The following PTPRQ variants were observed in gnomAD, a reference collection of about 807,000 sequenced individuals.
PTPRQ encodes protein tyrosine phosphatase receptor type Q, also known as phosphatidylinositol phosphatase PTPRQ.
PTPRQ carries 199 observed loss-of-function variants against 246.0 expected under a neutral mutation model. The observed-to-expected ratio is 0.81, with a 90% CI of 0.72 to 0.91. The LOEUF (loss-of-function observed/expected upper bound fraction) is 0.91, where lower values mean the gene tolerates loss of function less well. Among genes scored for constraint, PTPRQ ranks in the 40% least tolerant of loss-of-function variants. PTPRQ has a pLI of 0.00. For missense variants in PTPRQ, 2,624 were observed against 2,528.4 expected, an observed-to-expected ratio of 1.04 and a Z score of -0.81; for synonymous variants, 869 against 853.2, an observed-to-expected ratio of 1.02 and a Z score of -0.32.
At position 80,507,357 on chromosome 12, in the gene PTPRQ, A is replaced by T. The variant is rs74237235; in HGVS notation, c.2557+687A>T. On this transcript the variant is annotated intron_variant, in intron 16 of 44. Coordinates refer to ENST00000644991, the MANE Select transcript of PTPRQ (RefSeq NM_001145026.2). ...CATTGCATATTTAAAGAAAATTATT[A>T]TTTTTTTCTGTAAAAGGAATTCCTA... Among the ~76,000 whole-genome samples the T allele has an allele frequency of 5.9e-5, 9 of 151,986 alleles. No homozygotes were observed. The East Asian group carries it at 1.7e-3, about 29-fold the overall frequency.
chr12:80,625,400 A>C (rs1272960704), intron 33 of PTPRQ, among the ~76,000 whole-genome samples: 1 of 152,152 alleles, frequency 6.6e-6, no homozygotes, highest in Non-Finnish European at 1.5e-5. Flanking sequence ...GCATTCATTC[A>C]CTGGTATTTT....
chr12:80,524,381 T>C (rs767784669), intron 17 of PTPRQ, among the ~76,000 whole-genome samples: 18 of 152,122 alleles, frequency 1.2e-4, no homozygotes, highest in Non-Finnish European at 2.1e-4. Flanking sequence ...ACATGCCTTT[T>C]GCCTGCTGCC....
At chr12:80,516,506 A>T (rs924067533) in intron 17 of PTPRQ, among the ~76,000 whole-genome samples, 3 of 152,220 alleles carry the variant, frequency 2.0e-5, no homozygotes, top group Non-Finnish European at 4.4e-5. Flanking sequence ...CTTATTGCAG[A>T]TAAGATATGC....
chr12:80,564,268 C>T (rs539347451), intron 25 of PTPRQ, among the ~76,000 whole-genome samples: 1 of 152,130 alleles, frequency 6.6e-6, no homozygotes, highest in Non-Finnish European at 1.5e-5. Flanking sequence ...TTCCAGATTG[C>T]TGGCTTCTAG....
At position 80,648,344 on chromosome 12, in the gene PTPRQ, G is replaced by A. The variant is rs555910359; in HGVS notation, c.5916-553G>A. 3.9e-5 allele frequency among the ~76,000 whole-genome samples: 6 copies of A among 151,962 alleles called. No individual in the cohort carries two copies. The South Asian group carries it at 1.0e-3, about 26-fold the overall frequency. ...CTATTTAGCTGTTAAAATTATTTTT[G>A]TTTACAGAGTATAAGTAATTTGGCC... On this transcript the variant is annotated intron_variant, in intron 35 of 44. Coordinates refer to ENST00000644991, the MANE Select transcript of PTPRQ (RefSeq NM_001145026.2).
chr12:80,636,667 A>T (rs1899664503), intron 35 of PTPRQ, among the ~76,000 whole-genome samples: 1 of 152,196 alleles, frequency 6.6e-6, no homozygotes, highest in South Asian at 2.1e-4. Context: ...ACTAAAATGT[A>T]AACTTCTAAG....
In PTPRQ at chr12:80,619,269, A is replaced by G. The variant is rs9669253; in HGVS notation, c.5231-115A>G. 39,408 of 1,208,808 alleles carry G rather than the reference A, an allele frequency of 0.033. 2,176 individuals are homozygous for G. Among genetic ancestry groups the G allele is most frequent in the African/African-American group, 0.23 (15,246 of 65,274 alleles). 74.9% of individuals were successfully genotyped at this position (1,208,808 alleles called of 1,614,324 possible). The stretch of plus-strand genomic sequence containing the variant: ...CAAGCACAATTCTCTATAATTTGTT[A>G]TTTATGTTTGTCATCACTTTATCTG... On this transcript the variant is annotated intron_variant, in intron 30 of 44. Coordinates refer to ENST00000644991, the MANE Select transcript of PTPRQ (RefSeq NM_001145026.2).
intron 41 of PTPRQ, among the ~76,000 whole-genome samples, chr12:80,669,790 A>G (rs1414018865): frequency 6.6e-6 from 1 of 152,020 alleles, no homozygotes; most frequent in Non-Finnish European, 1.5e-5. Flanking sequence ...ATCTGACTTG[A>G]GACAGCAATT....
chr12:80,675,869 C>T (rs1280977861), intron 43 of PTPRQ, among the ~76,000 whole-genome samples: 4 of 152,132 alleles, frequency 2.6e-5, no homozygotes, highest in Admixed American at 2.0e-4. Flanking sequence ...GGCTCTGTGA[C>T]TTTGTTTAGT....
chr12:80,656,709 A>G (rs1261312866), intron 38 of PTPRQ, among the ~76,000 whole-genome samples: 2 of 152,092 alleles, frequency 1.3e-5, no homozygotes, highest in African/African-American at 4.8e-5. Context: ...GAATAGGCAG[A>G]TGAATTAATG....
intron 3 of PTPRQ, among the ~76,000 whole-genome samples, chr12:80,445,955 T>A (rs1482217854): frequency 6.6e-6 from 1 of 151,856 alleles, no homozygotes; most frequent in Non-Finnish European, 1.5e-5. Context: ...TCTATGAATA[T>A]TTTTGCATAT....
At chr12:80,649,713 G>A (rs551634546) in intron 37 of PTPRQ, 44 bp downstream of exon 37, 12 of 1,511,622 alleles carry the variant, frequency 7.9e-6, no homozygotes, top group Non-Finnish European at 9.8e-6. Flanking sequence ...ACCTCCAGTC[G>A]TTTCATGTGT....
chr12:80,526,808 C>G (rs1043214573), intron 17 of PTPRQ, among the ~76,000 whole-genome samples: 2 of 151,780 alleles, frequency 1.3e-5, no homozygotes, highest in Non-Finnish European at 2.9e-5. Flanking sequence ...AATTAATGAG[C>G]TTTTGTTTTT....
intron 6 of PTPRQ, among the ~76,000 whole-genome samples, chr12:80,466,851 T>C (rs1248167571): frequency 6.6e-6 from 1 of 151,986 alleles, no homozygotes; most frequent in Non-Finnish European, 1.5e-5. Context: ...TATACAAAAA[T>C]CAATTCAAGA....
At chr12:80,476,051 T>A (rs965597451) in intron 8 of PTPRQ, among the ~76,000 whole-genome samples, 5 of 152,028 alleles carry the variant, frequency 3.3e-5, no homozygotes, top group African/African-American at 1.2e-4. Context: ...TTAGCTGTTT[T>A]TTTTTTTTCA....
chr12:80,573,006 A>G (rs1897188220), intron 25 of PTPRQ, among the ~76,000 whole-genome samples: 1 of 152,178 alleles, frequency 6.6e-6, no homozygotes, highest in Non-Finnish European at 1.5e-5. Flanking sequence ...TCAAAGTTAT[A>G]CTACCCTAAT....
chr12:80,604,805 C>CA (rs1898255990), intron 26 of PTPRQ, among the ~76,000 whole-genome samples: 1 of 151,310 alleles, frequency 6.6e-6, no homozygotes, highest in South Asian at 2.1e-4. Context: ...AATATTATTT[C>CA]AAGTTTTAAA....
At position 80,559,593 on chromosome 12, in the gene PTPRQ, AT is replaced by A. The variant is rs140505782; in HGVS notation, c.4285+9862del. 5.6e-3 allele frequency among the ~76,000 whole-genome samples: 854 copies of A among 152,242 alleles called. 28 individuals carry two copies. The South Asian group carries it at 0.066, about 12-fold the overall frequency. On this transcript the variant is annotated intron_variant, in intron 25 of 44. Transcript: ENST00000644991. ...AAAACGTACAAAGAATAATGTTCCA[AT>A]TTAAGTTAGATTTAAGTTAATGATG...
At chr12:80,661,214 A>T (rs1272170356) in intron 39 of PTPRQ, among the ~76,000 whole-genome samples, 6 of 150,114 alleles carry the variant, frequency 4.0e-5, no homozygotes, top group Non-Finnish European at 5.9e-5. Flanking sequence ...AAAAGGAAAA[A>T]ATATATATAT....
Sources: allele counts gnomAD v4.1 joint callset (sites outside exome capture counted in the v4.1 genomes callset), GRCh38; gene constraint gnomAD v4.1.1; transcripts MANE v1.5; gene names NCBI Gene and HGNC (gene_info 2026-07-23, HGNC 2026-07-21).